VPS13A: variants seen among roughly 807,000 people sequenced by gnomAD.
VPS13A encodes the protein intermembrane lipid transfer protein VPS13A.
Under a neutral mutation model 390.9 loss-of-function variants are expected in VPS13A, and 264 were observed. The ratio of observed to expected loss-of-function variants is 0.68; its 90% CI spans 0.61 to 0.75. The LOEUF is 0.75. Ranked by LOEUF, VPS13A falls within the 30% of genes least tolerant of loss-of-function variation. VPS13A has a pLI of 0.00. For synonymous variants in VPS13A, 1,231 were observed against 1,227.1 expected (o/e 1.00, Z -0.07); for missense variants, 3,409 against 3,733.9 (o/e 0.91, Z 2.27).
chr9:77,289,611 G>A (rs1384177439), intron 31 of VPS13A, among the ~76,000 whole-genome samples: 1 of 151,950 alleles, frequency 6.6e-6, no homozygotes. Flanking sequence ...TTACTTTGGT[G>A]CATGTTGAAA....
At chr9:77,323,879 G>C (rs1252041227) in intron 45 of VPS13A, among the ~76,000 whole-genome samples, 2 of 145,154 alleles carry the variant, frequency 1.4e-5, no homozygotes, top group Admixed American at 6.8e-5. Context: ...GCAGTTACTT[G>C]TTGTTGCTCA....
intron 68 of VPS13A, among the ~76,000 whole-genome samples, chr9:77,385,703 G>T (rs950796385): frequency 2.0e-5 from 3 of 151,992 alleles, no homozygotes; most frequent in African/African-American, 7.2e-5. Flanking sequence ...TAATCCCTAT[G>T]ACTGCTGTGC....
At position 77,339,804 on chromosome 9, in the gene VPS13A, C is replaced by T. The variant is rs772152953; in HGVS notation, c.6667C>T (p.Arg2223Cys). ...TTATTGGATGGTCAATAAAACTGGC[C>T]GCATGTTACAGTACAAAGCAGACGG... ...SPYWMVNKTG[R>C]MLQYKADGIH... The change falls in exon 48 of 72, where the codon CGC becomes TGC. Residue 2223 changes from arginine to cysteine, a missense_variant. By Grantham distance (180) the Arg-to-Cys change is radical (BLOSUM62 -3). Around this residue, in one of 5 missense-constraint regions of VPS13A, gnomAD observed 2,717 missense variants for 2,917.4 expected, o/e 0.93. Transcript: ENST00000360280. The T allele has an allele frequency of 2.2e-5, 35 of 1,613,874 alleles. No homozygotes were observed. Among genetic ancestry groups the T allele is most frequent in the African/African-American group, 4.0e-5 (3 of 74,882 alleles).
At chr9:77,400,544 T>C (rs1190897591) in intron 68 of VPS13A, among the ~76,000 whole-genome samples, 2 of 151,966 alleles carry the variant, frequency 1.3e-5, no homozygotes, top group Non-Finnish European at 2.9e-5. Flanking sequence ...ATTATTAAAA[T>C]GGGCCGGGCG....
At chr9:77,369,652 A>G (rs1422596929) in intron 63 of VPS13A, among the ~76,000 whole-genome samples, 1 of 152,200 alleles carries the variant, frequency 6.6e-6, no homozygotes, top group Non-Finnish European at 1.5e-5. Context: ...CTTGGAATAT[A>G]AAAGGTGGAT....
chr9:77,263,511 T>C (rs1027086171), intron 23 of VPS13A, among the ~76,000 whole-genome samples: 3 of 152,202 alleles, frequency 2.0e-5, no homozygotes, highest in African/African-American at 7.2e-5. Flanking sequence ...ATGAGCTTTT[T>C]TTCATATGTT....
rs766585218 is a variant in VPS13A at position 77,353,479 on chromosome 9, G to A, written c.7490G>A (p.Arg2497His). 1.1e-5 allele frequency: 17 copies of A among 1,612,064 alleles called. No homozygotes were observed. Among genetic ancestry groups the A allele is most frequent in the Admixed American group, 1.7e-5 (1 of 59,822 alleles). Residue 2497 changes from arginine (R) to histidine (H), a missense_variant, in exon 54 of 72, where the codon CGC becomes CAC. Arg to His is a conservative substitution (Grantham distance 29, BLOSUM62 0). This residue lies in a region of VPS13A where 221 missense variants were observed against 300.7 expected (regional missense o/e 0.73). Coordinates refer to ENST00000360280, the MANE Select transcript of VPS13A (RefSeq NM_033305.3). ...GTTTCATTCTTTGAAGGTTTACAAC[G>A]CATTATTTTATTCACTGAAGATCCA... ...YLVSFFEGLQ[R>H]IILFTEDPRV...
chr9:77,284,158 G>A (rs1827200600), intron 31 of VPS13A, among the ~76,000 whole-genome samples: 2 of 152,070 alleles, frequency 1.3e-5, no homozygotes, highest in East Asian at 3.9e-4. Flanking sequence ...TAGGTAATTT[G>A]TTACTGGTTA....
chr9:77,339,759 G>C lies in VPS13A; in HGVS notation c.6622G>C (p.Val2208Leu), dbSNP rs150740645. 1.8e-5 allele frequency: 29 copies of C among 1,613,958 alleles called. No individual in the cohort carries two copies. The African/African-American group carries it at 2.9e-4, about 16-fold the overall frequency. ...VHMTYNTGQTVVAFHSPYWMV... is the reference protein window; with the variant it reads ...VHMTYNTGQTLVAFHSPYWMV... ...TATGACTTACAATACTGGTCAGACA[G>C]TTGTGGCATTTCATAGTCCTTATTG... The change falls in exon 48 of 72, where the codon GTT becomes CTT. Residue 2208 changes from valine to leucine, a missense_variant. Physicochemically the swap from Val to Leu is conservative, Grantham distance 32. This residue lies in a region of VPS13A where 2,717 missense variants were observed against 2,917.4 expected (regional missense o/e 0.93). Transcript: ENST00000360280.
chr9:77,334,203 T>G (rs532812422), intron 46 of VPS13A, among the ~76,000 whole-genome samples: 6 of 152,194 alleles, frequency 3.9e-5, no homozygotes, highest in Non-Finnish European at 8.8e-5. Flanking sequence ...TTTGTTGGAA[T>G]GTAGAGTGCA....
intron 35 of VPS13A, among the ~76,000 whole-genome samples, chr9:77,309,272 C>T (rs1828932297): frequency 6.6e-6 from 1 of 152,054 alleles, no homozygotes; most frequent in Non-Finnish European, 1.5e-5. Flanking sequence ...GGCAATCTCC[C>T]AGGACGGAGA....
At chr9:77,406,796 T>C (rs528320221) in intron 70 of VPS13A, among the ~76,000 whole-genome samples, 5 of 152,188 alleles carry the variant, frequency 3.3e-5, no homozygotes, top group African/African-American at 1.2e-4. Context: ...GAATTACTTA[T>C]AGAACATGTT....
chr9:77,334,836 G>A (rs959426096), intron 46 of VPS13A, among the ~76,000 whole-genome samples: 3 of 152,178 alleles, frequency 2.0e-5, no homozygotes, highest in South Asian at 2.1e-4. Context: ...AAGGAATGTA[G>A]AAGTAGAATA....
At chr9:77,384,288 T>A (rs1407128755) in intron 68 of VPS13A, among the ~76,000 whole-genome samples, 2 of 151,886 alleles carry the variant, frequency 1.3e-5, no homozygotes, top group East Asian at 3.8e-4. Flanking sequence ...CAGTGTTTCC[T>A]GCTGGTCAAA....
At chr9:77,366,921 A>T (rs780429585) in intron 61 of VPS13A, 49 bp downstream of exon 61, 1 of 1,583,628 alleles carries the variant, frequency 6.3e-7, no homozygotes, top group Non-Finnish European at 8.6e-7. Flanking sequence ...TTTCTATTTT[A>T]TATGTCCCTA....
rs2131680352 is a variant in VPS13A, at chr9:77,419,879, C to T, written c.*3873C>T. The T allele has an allele frequency of 1.3e-5, 2 of 152,288 alleles. No individual in the cohort carries two copies. Among genetic ancestry groups the T allele is most frequent in the Middle Eastern group, 6.8e-3 (2 of 294 alleles). 9.4% of individuals were successfully genotyped at this position (152,288 alleles called of 1,614,324 possible). On this transcript the variant is annotated 3_prime_UTR_variant, in exon 72 of 72. Transcript: ENST00000360280. ...AAATGGGGAGCTAATACGTAGGGCA[C>T]ATTCTGGTAGGGCCAAAATATTCAG... is the stretch of plus-strand genomic sequence containing the variant.
chr9:77,291,147 C>G (rs1827632844), intron 31 of VPS13A, among the ~76,000 whole-genome samples: 2 of 152,178 alleles, frequency 1.3e-5, no homozygotes, highest in Admixed American at 1.3e-4. Context: ...GCTCCGCCTC[C>G]TGTCAGATCA....
In VPS13A at chr9:77,233,542, C is replaced by T. The variant is rs961046763; in HGVS notation, c.1596-4460C>T. Among the ~76,000 whole-genome samples the T allele has an allele frequency of 2.6e-5, 4 of 152,006 alleles. No homozygotes were observed. The East Asian group carries it at 7.7e-4, about 29-fold the overall frequency. On this transcript the variant is annotated intron_variant, in intron 17 of 71. Transcript: ENST00000360280. ...CTTTTTTAATGTAGGCATTTGCAAA[C>T]AAAAATTTCCCTGTGAGAACTGCTT...
chr9:77,196,996 C>G (rs1250220937), intron 1 of VPS13A, among the ~76,000 whole-genome samples: 1 of 152,130 alleles, frequency 6.6e-6, no homozygotes, highest in African/African-American at 2.4e-5. Context: ...CACAGTCACA[C>G]CAGCATTTAT....
Sources: allele counts gnomAD v4.1 joint callset (sites outside exome capture counted in the v4.1 genomes callset), GRCh38; gene constraint gnomAD v4.1.1; regional missense constraint gnomAD v4.1.1; transcripts MANE v1.5; gene names NCBI Gene and HGNC (gene_info 2026-07-23, HGNC 2026-07-21).